Variants in LSAMP observed in about 807,000 individuals in gnomAD.
The protein encoded by LSAMP is limbic system associated membrane protein, also known as limbic system-associated membrane protein.
A neutral mutation model predicts 38.6 loss-of-function variants in LSAMP; 7 were observed. The ratio of observed to expected loss-of-function variants is 0.18; its 90% CI spans 0.10 to 0.34. The LOEUF (loss-of-function observed/expected upper bound fraction) is 0.34, where lower values mean the gene tolerates loss of function less well. Among genes scored for constraint, LSAMP ranks in the 10% least tolerant of loss-of-function variants. LSAMP has a pLI of 1.00. For missense variants in LSAMP, 313 were observed against 420.0 expected, an observed-to-expected ratio of 0.75 and a Z score of 2.23; for synonymous variants, 154 against 166.8, an observed-to-expected ratio of 0.92 and a Z score of 0.59.
chr3:115,939,682 G>C lies in LSAMP; in HGVS notation c.514+79833C>G, dbSNP rs560495194. Among the ~76,000 whole-genome samples, 21 of 151,966 alleles carry C rather than the reference G, an allele frequency of 1.4e-4. 1 individual carries two copies. In the South Asian group the frequency reaches 4.4e-3, roughly 32 times the overall value. On this transcript the variant is annotated intron_variant, in intron 3 of 6. Transcript: ENST00000490035. ...TGATCCTCCCACTTCAGCCTCCCAA[G>C]TATCTGAAACTATAGGCACACACTA...
At chr3:116,440,194 T>C (rs2049414794) in intron 1 of LSAMP, among the ~76,000 whole-genome samples, 1 of 152,168 alleles carries the variant, frequency 6.6e-6, no homozygotes, top group South Asian at 2.1e-4. Context: ...AGCTGTAAAT[T>C]ATGCCCTGGA....
chr3:115,817,412 CTTAGA>C, intron 6 of LSAMP, among the ~76,000 whole-genome samples: 1 of 152,242 alleles, frequency 6.6e-6, no homozygotes. Context: ...ATCCCTAGTG[CTTAGA>C]TTAGAGCTTG....
rs549912142 is a variant in LSAMP, at chr3:116,390,687, T to C, written c.155+54190A>G. On this transcript the variant is annotated intron_variant, in intron 1 of 6. Coordinates refer to ENST00000490035, the MANE Select transcript of LSAMP (RefSeq NM_002338.5). ...GAGGTTGTAGTGAGCCCACATGACA[T>C]TGACATTGCACCACTGTACTCCAGC... Among the ~76,000 whole-genome samples, 3 of 143,070 alleles carry C rather than the reference T, an allele frequency of 2.1e-5. No homozygotes were observed. The Admixed American group carries it at 2.2e-4, about 10-fold the overall frequency. 93.9% of individuals were successfully genotyped at this position (143,070 alleles called of 152,430 possible). A position where few individuals can be genotyped will look rare whatever the true frequency, so the allele number is the denominator to read the frequency against.
intron 3 of LSAMP, among the ~76,000 whole-genome samples, chr3:116,000,837 T>G (rs998485764): frequency 1.3e-5 from 2 of 152,200 alleles, no homozygotes; most frequent in African/African-American, 2.4e-5. Flanking sequence ...AGACCACTGA[T>G]GAGGAGTTCT....
chr3:116,175,632 AGGAAGCAGATCTAT>A (rs1264531593), intron 1 of LSAMP, among the ~76,000 whole-genome samples: 1 of 152,114 alleles, frequency 6.6e-6, no homozygotes, highest in Non-Finnish European at 1.5e-5. Flanking sequence ...GAAAGTGACG[AGGAAGCAGATCTAT>A]GGAAGCACAT....
chr3:116,285,065 A>T (rs970798977), intron 1 of LSAMP, among the ~76,000 whole-genome samples: 1 of 152,216 alleles, frequency 6.6e-6, no homozygotes, highest in East Asian at 1.9e-4. Context: ...CAAAGGTCTA[A>T]ATCTCAAAGT....
intron 3 of LSAMP, among the ~76,000 whole-genome samples, chr3:115,881,406 C>T (rs1194394717): frequency 6.6e-6 from 1 of 152,106 alleles, no homozygotes; most frequent in East Asian, 1.9e-4. Flanking sequence ...TCTGTATTTC[C>T]AATTCTTTTG....
At chr3:116,101,572 T>A (rs1298607986) in intron 1 of LSAMP, among the ~76,000 whole-genome samples, 8 of 152,180 alleles carry the variant, frequency 5.3e-5, no homozygotes, top group Non-Finnish European at 1.2e-4. Context: ...AATAACCTAC[T>A]TTTAGCTATT....
intron 1 of LSAMP, among the ~76,000 whole-genome samples, chr3:116,145,515 T>C (rs181427083): frequency 4.6e-5 from 7 of 152,100 alleles, no homozygotes; most frequent in Non-Finnish European, 1.0e-4. Flanking sequence ...GTCTTTTCTG[T>C]TAAGGCCTCA....
chr3:116,172,810 T>C (rs553104238), intron 1 of LSAMP, among the ~76,000 whole-genome samples: 16 of 152,146 alleles, frequency 1.1e-4, no homozygotes, highest in African/African-American at 3.8e-4. Context: ...AAGTTTTGCT[T>C]GATAACCTAA....
chr3:115,837,335 CA>C (rs1164000435), intron 6 of LSAMP, among the ~76,000 whole-genome samples: 1 of 151,268 alleles, frequency 6.6e-6, no homozygotes, highest in Non-Finnish European at 1.5e-5. Flanking sequence ...TCAAAAGCCT[CA>C]AAAGACCTTT....
At chr3:116,331,803 CTT>C (rs1174880958) in intron 1 of LSAMP, among the ~76,000 whole-genome samples, 2 of 152,054 alleles carry the variant, frequency 1.3e-5, no homozygotes, top group Non-Finnish European at 2.9e-5. Context: ...TAACTTCACT[CTT>C]TGTTTTGTTT....
At chr3:116,333,680 G>A (rs2047882852) in intron 1 of LSAMP, among the ~76,000 whole-genome samples, 1 of 151,812 alleles carries the variant, frequency 6.6e-6, no homozygotes, top group Non-Finnish European at 1.5e-5. Flanking sequence ...ATAGATTGAG[G>A]AAGAAATCAC....
intron 3 of LSAMP, among the ~76,000 whole-genome samples, chr3:115,924,727 C>T (rs182694863): frequency 1.5e-4 from 23 of 152,222 alleles, no homozygotes; most frequent in African/African-American, 5.1e-4. Context: ...TTAAAAATAC[C>T]TACATTAAAA....
intron 3 of LSAMP, among the ~76,000 whole-genome samples, chr3:115,895,091 T>G (rs561521232): frequency 5.8e-4 from 89 of 152,210 alleles, no homozygotes; most frequent in African/African-American, 2.0e-3. Context: ...AAAAAATTCT[T>G]GCTATGCTTC....
chr3:116,074,844 C>CTTTATTTTTTTTTTTTTTTTTTTTTTT (rs1707698571), intron 2 of LSAMP, among the ~76,000 whole-genome samples: 1 of 128,410 alleles, frequency 7.8e-6, no homozygotes, highest in African/African-American at 3.1e-5. Context: ...TTTCTTTATT[C>CTTTATTTTTTTTTTTTTTTTTTTTTTT]TTTTTTTTTT....
rs1933679671 is a variant in LSAMP, at chr3:115,808,123, TCCC to T, written c.*2191_*2193del. The T allele has an allele frequency of 3.6e-4, 17 of 47,246 alleles. No individual in the cohort carries two copies. The highest frequency in any genetic ancestry group is 6.3e-4 in the Non-Finnish European group (16 of 25,582). 2.9% of individuals were successfully genotyped at this position (47,246 alleles called of 1,614,324 possible). A position where few individuals can be genotyped will look rare whatever the true frequency, so the allele number is the denominator to read the frequency against. ...CTTCCTTCCTTCCTCCCTCCCTCCC[TCCC>T]TCCCTCCCTCCCTCCCTCCCTCCCC... On this transcript the variant is annotated 3_prime_UTR_variant, in exon 7 of 7. Transcript: ENST00000490035.
chr3:116,066,271 A>G (rs191321057), intron 2 of LSAMP, among the ~76,000 whole-genome samples: 2 of 152,260 alleles, frequency 1.3e-5, no homozygotes, highest in African/African-American at 2.4e-5. Context: ...CTTCCCAAAT[A>G]CCACATTTCC....
At chr3:116,308,969 G>A (rs1434652842) in intron 1 of LSAMP, among the ~76,000 whole-genome samples, 2 of 151,946 alleles carry the variant, frequency 1.3e-5, no homozygotes, top group Non-Finnish European at 2.9e-5. Context: ...ATAATTCTTC[G>A]ACAACATTAA....
Sources: allele counts gnomAD v4.1 joint callset (sites outside exome capture counted in the v4.1 genomes callset), GRCh38; gene constraint gnomAD v4.1.1; transcripts MANE v1.5; gene names NCBI Gene and HGNC (gene_info 2026-07-23, HGNC 2026-07-21).